Variants in HERPUD2 observed in about 807,000 individuals in gnomAD.
HERPUD2 encodes the protein homocysteine-responsive endoplasmic reticulum-resident ubiquitin-like domain member 2 protein.
A neutral mutation model predicts 49.9 loss-of-function variants in HERPUD2; 13 were observed. The ratio of observed to expected loss-of-function variants is 0.26; its 90% CI spans 0.17 to 0.41. The LOEUF (loss-of-function observed/expected upper bound fraction) is 0.41. Ranked by LOEUF, HERPUD2 falls within the 10% of genes least tolerant of loss-of-function variation. The pLI is 1.00. For synonymous variants in HERPUD2, 172 were observed against 171.4 expected (o/e 1.00, Z -0.03); for missense variants, 449 against 492.2 (o/e 0.91, Z 0.83).
At chr7:35,676,539 C>G (rs753920220) in intron 2 of HERPUD2, among the ~76,000 whole-genome samples, 13 of 152,200 alleles carry the variant, frequency 8.5e-5, no homozygotes, top group Non-Finnish European at 8.8e-5. Flanking sequence ...GACCTAGAAT[C>G]AGCCATTGCT....
intron 3 of HERPUD2, among the ~76,000 whole-genome samples, chr7:35,671,097 G>A (rs1370080957): frequency 6.6e-6 from 1 of 151,966 alleles, no homozygotes; most frequent in Admixed American, 6.6e-5. Context: ...AAAAGGAGCA[G>A]AAAGAAAGAT....
At chr7:35,656,690 T>C (rs1785281667) in intron 5 of HERPUD2, among the ~76,000 whole-genome samples, 2 of 152,146 alleles carry the variant, frequency 1.3e-5, no homozygotes, top group Non-Finnish European at 2.9e-5. Flanking sequence ...ATTTTCCTTT[T>C]TTCTTTTTTC....
At chr7:35,638,598 T>C in intron 5 of HERPUD2, 126 bp from the exon 6 acceptor site, 22 of 981,336 alleles carry the variant, frequency 2.2e-5, no homozygotes, top group Non-Finnish European at 3.0e-5. Context: ...AAAAGAAAAA[T>C]ACTTACTTTC....
chr7:35,652,744 G>A (rs370560324), intron 5 of HERPUD2, among the ~76,000 whole-genome samples: 2 of 151,370 alleles, frequency 1.3e-5, no homozygotes, highest in Non-Finnish European at 2.9e-5. Context: ...AGGAAGGAAC[G>A]TTTCTGCCAA....
At chr7:35,664,594 T>C (rs537693171) in intron 5 of HERPUD2, among the ~76,000 whole-genome samples, 1 of 152,344 alleles carries the variant, frequency 6.6e-6, no homozygotes. Flanking sequence ...CATTTCTTTT[T>C]ACTCTTTTTT....
Position 35,633,449 on chromosome 7 carries a change from C to T in HERPUD2, c.*241G>A, listed in dbSNP as rs1784816296. 2 of 293,926 alleles carry T rather than the reference C, an allele frequency of 6.8e-6. No homozygotes were observed. The highest frequency in any genetic ancestry group is 6.3e-6 in the Non-Finnish European group (1 of 159,926). 18.2% of individuals were successfully genotyped at this position (293,926 alleles called of 1,614,324 possible). ...TACACATAATTGAAATGAGTAACAC[C>T]TGGAAGACCAATATTGTTACGCTAT... On this transcript the variant is annotated 3_prime_UTR_variant, in exon 9 of 9. Transcript: ENST00000311350.
chr7:35,642,698 C>A (rs565459393), intron 5 of HERPUD2, among the ~76,000 whole-genome samples: 1 of 152,158 alleles, frequency 6.6e-6, no homozygotes, highest in East Asian at 1.9e-4. Context: ...AGGAAACTAA[C>A]GCACGAACAG....
At chr7:35,654,633 G>A (rs1284997807) in intron 5 of HERPUD2, among the ~76,000 whole-genome samples, 3 of 143,824 alleles carry the variant, frequency 2.1e-5, no homozygotes, top group Non-Finnish European at 3.0e-5. Context: ...ACAAAGAAAA[G>A]TCCAGGATTG....
chr7:35,683,189 C>T (rs376414373), intron 2 of HERPUD2, among the ~76,000 whole-genome samples: 12 of 152,268 alleles, frequency 7.9e-5, no homozygotes, highest in African/African-American at 2.9e-4. Flanking sequence ...AGGCCATAGT[C>T]ACCAAAACAA....
At chr7:35,682,116 C>A (rs867371609) in intron 2 of HERPUD2, among the ~76,000 whole-genome samples, 2 of 152,022 alleles carry the variant, frequency 1.3e-5, no homozygotes, top group African/African-American at 4.8e-5. Flanking sequence ...CAGCTCACTG[C>A]AACCTCTGCC....
At chr7:35,639,968 AG>A (rs1034303988) in intron 5 of HERPUD2, among the ~76,000 whole-genome samples, 3 of 152,124 alleles carry the variant, frequency 2.0e-5, no homozygotes, top group African/African-American at 7.2e-5. Flanking sequence ...GTCCTATATA[AG>A]GGGGAAAAAA....
Position 35,681,429 on chromosome 7 carries a change from A to T in HERPUD2, c.148-8151T>A, listed in dbSNP as rs1032395102. Among the ~76,000 whole-genome samples, 3 of 152,240 alleles carry T rather than the reference A, an allele frequency of 2.0e-5. No individual in the cohort carries two copies. The East Asian group carries it at 5.8e-4, about 29-fold the overall frequency. ...CAGTGTCTCAGAAAGTTAAACATAC[A>T]GTTACCCTATGACACAATATATACC... On this transcript the variant is annotated intron_variant, in intron 2 of 8. Coordinates refer to ENST00000311350, the MANE Select transcript of HERPUD2 (RefSeq NM_022373.5).
chr7:35,681,498 T>C (rs567480818), intron 2 of HERPUD2, among the ~76,000 whole-genome samples: 1 of 152,244 alleles, frequency 6.6e-6, no homozygotes, highest in African/African-American at 2.4e-5. Context: ...GGAAAACATA[T>C]GTGCACATAA....
At position 35,673,259 on chromosome 7, in the gene HERPUD2, A is replaced by G; in HGVS notation, c.167T>C (p.Leu56Ser). The G allele has an allele frequency of 1.9e-6, 3 of 1,611,046 alleles. No homozygotes were observed. The highest frequency in any genetic ancestry group is 1.3e-5 in the African/African-American group (1 of 74,952). Residue 56 changes from leucine (L) to serine (S), a missense_variant, in exon 3 of 9, where the codon TTG becomes TCG. Physicochemically the swap from Leu to Ser is moderately radical, Grantham distance 145 (BLOSUM62 -2). Transcript: ENST00000311350. ...PSKPLTKDQR[L>S]VYSGRLLPDH... ...GGGAAGCAGTCTGCCCGAATACACC[A>G]ATCTCTGATCCTTCGTCAACTAAGA...
chr7:35,684,497 T>C (rs768371956), intron 2 of HERPUD2, among the ~76,000 whole-genome samples: 10 of 149,944 alleles, frequency 6.7e-5, no homozygotes, highest in African/African-American at 9.8e-5. Context: ...AATCAACAAA[T>C]GGATAAAGAA....
chr7:35,663,384 T>C (rs1001990183), intron 5 of HERPUD2, among the ~76,000 whole-genome samples: 17 of 152,220 alleles, frequency 1.1e-4, no homozygotes, highest in African/African-American at 3.9e-4. Context: ...TTCTGTTGTT[T>C]TGGAGTGGAG....
At chr7:35,667,155 A>G (rs1014110361) in intron 5 of HERPUD2, among the ~76,000 whole-genome samples, 16 of 152,180 alleles carry the variant, frequency 1.1e-4, no homozygotes, top group African/African-American at 3.9e-4. Flanking sequence ...CTCAGGCCCC[A>G]TCATACCTAT....
chr7:35,656,757 G>A (rs1318905750), intron 5 of HERPUD2, among the ~76,000 whole-genome samples: 2 of 152,038 alleles, frequency 1.3e-5, no homozygotes, highest in Admixed American at 1.3e-4. Context: ...AACATACACT[G>A]GGGAAAGAAC....
At chr7:35,684,100 T>C (rs1293008855) in intron 2 of HERPUD2, among the ~76,000 whole-genome samples, 2 of 152,172 alleles carry the variant, frequency 1.3e-5, no homozygotes, top group Middle Eastern at 3.4e-3. Context: ...AAAAAAGATA[T>C]TTGTGGCCAG....
Sources: gnomAD v4.1 joint callset for allele counts (sites outside exome capture counted in the v4.1 genomes callset) on GRCh38, gnomAD v4.1.1 for gene constraint, MANE v1.5 for transcripts, NCBI Gene and HGNC (gene_info 2026-07-23, HGNC 2026-07-21) for gene names.